PRLR: variants seen among roughly 807,000 people sequenced by gnomAD.
The protein encoded by PRLR is prolactin receptor, also known as hPRL receptor.
In PRLR, 13 loss-of-function variants were observed where a neutral mutation model predicts 40.2. That is an observed-to-expected ratio of 0.32 (90% CI 0.21 to 0.51). The LOEUF (loss-of-function observed/expected upper bound fraction) is 0.51, where lower values mean the gene tolerates loss of function less well. Among genes scored for constraint, PRLR ranks in the 20% least tolerant of loss-of-function variants. PRLR has a pLI of 0.97. For synonymous variants in PRLR, 269 were observed against 278.7 expected, an observed-to-expected ratio of 0.97 and a Z score of 0.35; for missense variants, 656 against 747.3, an observed-to-expected ratio of 0.88 and a Z score of 1.42.
At chr5:35,091,609 T>A (rs929014196) in intron 2 of PRLR, among the ~76,000 whole-genome samples, 4 of 152,042 alleles carry the variant, frequency 2.6e-5, no homozygotes, top group African/African-American at 9.7e-5. Context: ...TCCCCCTCTG[T>A]GGGAGAGACG....
At chr5:35,219,470 A>C (rs1264608964) in intron 1 of PRLR, among the ~76,000 whole-genome samples, 2 of 152,214 alleles carry the variant, frequency 1.3e-5, no homozygotes, top group Non-Finnish European at 2.9e-5. Context: ...TTCTTAAAAC[A>C]AGGCCTTGCA....
chr5:35,108,742 C>T (rs1772440419), intron 2 of PRLR, among the ~76,000 whole-genome samples: 1 of 152,152 alleles, frequency 6.6e-6, no homozygotes, highest in African/African-American at 2.4e-5. Context: ...AAGAACATGC[C>T]ATGCTCATAG....
intron 1 of PRLR, among the ~76,000 whole-genome samples, chr5:35,187,287 G>T (rs1453799226): frequency 1.3e-5 from 2 of 151,946 alleles, no homozygotes; most frequent in Non-Finnish European, 2.9e-5. Context: ...TGTATTCCCA[G>T]CTACTAGGGA....
intron 1 of PRLR, among the ~76,000 whole-genome samples, chr5:35,125,839 C>A (rs138272997): frequency 6.6e-6 from 1 of 152,296 alleles, no homozygotes; most frequent in Non-Finnish European, 1.5e-5. Context: ...GGAATGTTAG[C>A]AGGCGATGGG....
intron 9 of PRLR, among the ~76,000 whole-genome samples, chr5:35,067,457 G>A (rs1476296825): frequency 5.9e-5 from 9 of 152,070 alleles, no homozygotes; most frequent in African/African-American, 2.2e-4. Context: ...TCCCTGCTTC[G>A]ATATTTGCAA....
intron 2 of PRLR, among the ~76,000 whole-genome samples, chr5:35,094,069 AT>A (rs1771382731): frequency 6.6e-6 from 1 of 152,232 alleles, no homozygotes; most frequent in Non-Finnish European, 1.5e-5. Context: ...TTATGACTGT[AT>A]TCTGCTCAAT....
intron 1 of PRLR, among the ~76,000 whole-genome samples, chr5:35,207,852 A>T (rs573714684): frequency 6.6e-6 from 1 of 152,238 alleles, no homozygotes; most frequent in Non-Finnish European, 1.5e-5. Flanking sequence ...AGAATAGGTA[A>T]ATCAATTTTG....
At chr5:35,115,654 G>T (rs1388516772) in intron 2 of PRLR, among the ~76,000 whole-genome samples, 1 of 151,804 alleles carries the variant, frequency 6.6e-6, no homozygotes. Context: ...GGTTGGAATG[G>T]GCAGAGCCTG....
intron 2 of PRLR, among the ~76,000 whole-genome samples, chr5:35,102,497 A>ACTCTT (rs1771955419): frequency 1.5e-5 from 1 of 68,770 alleles, no homozygotes; most frequent in Admixed American, 1.8e-4. Context: ...TCTCCTCTCC[A>ACTCTT]CTCCTCTCCT....
At chr5:35,087,270 A>C (rs941706438) in intron 3 of PRLR, among the ~76,000 whole-genome samples, 5 of 152,156 alleles carry the variant, frequency 3.3e-5, no homozygotes, top group Non-Finnish European at 5.9e-5. Context: ...GATTAAAGGC[A>C]TGAGCTACTG....
At chr5:35,178,080 T>C (rs746078235) in intron 1 of PRLR, among the ~76,000 whole-genome samples, 2 of 152,152 alleles carry the variant, frequency 1.3e-5, no homozygotes, top group Non-Finnish European at 2.9e-5. Context: ...ATGATGAGTA[T>C]CTTTTCTTGT....
At chr5:35,124,764 C>T (rs1433783133) in intron 1 of PRLR, among the ~76,000 whole-genome samples, 1 of 151,426 alleles carries the variant, frequency 6.6e-6, no homozygotes, top group Non-Finnish European at 1.5e-5. Flanking sequence ...GTTGGATCAA[C>T]ACCCTGAAAT....
chr5:35,174,920 G>T (rs57579203), intron 1 of PRLR, among the ~76,000 whole-genome samples: 20,220 of 152,178 alleles, frequency 0.13, 1,551 homozygotes, highest in African/African-American at 0.21. Flanking sequence ...GCTCAGAGAG[G>T]CAAGAATGGG....
chr5:35,068,687 A>G, intron 8 of PRLR, 92 bp downstream of exon 8: 1 of 1,008,626 alleles, frequency 9.9e-7, no homozygotes, highest in Non-Finnish European at 1.5e-6. Context: ...AATGAGGATT[A>G]TCTACAGGTT....
chr5:35,068,031 TGTGAAAGTAA>T (rs769782053), intron 9 of PRLR, among the ~76,000 whole-genome samples, 175 bp downstream of exon 9: 1 of 152,246 alleles, frequency 6.6e-6, no homozygotes, highest in Non-Finnish European at 1.5e-5. Flanking sequence ...ACATTTAGTG[TGTGAAAGTAA>T]GTACCCTCAT....
Position 35,072,450 on chromosome 5 carries a change from G to T in PRLR, c.543+125C>A, listed in dbSNP as rs980621074. On this transcript the variant is annotated intron_variant, in intron 6 of 9. Coordinates refer to ENST00000618457, the MANE Select transcript of PRLR (RefSeq NM_000949.7). ...AAAAGGGCTTTTCACATCTGGGTGG[G>T]TCACAACTGCATTGGAGGCCAACAC... The T allele has an allele frequency of 1.1e-5, 12 of 1,129,562 alleles. No individual in the cohort carries two copies. In the African/African-American group the frequency reaches 1.7e-4, roughly 16 times the overall value. The allele number at this position is 1,129,562 out of a possible 1,614,324, so 70.0% of individuals were successfully genotyped here. A position where few individuals can be genotyped will look rare whatever the true frequency, so the allele number is the denominator to read the frequency against.
intron 1 of PRLR, among the ~76,000 whole-genome samples, chr5:35,207,437 C>T (rs1196070566): frequency 6.6e-6 from 1 of 151,914 alleles, no homozygotes; most frequent in African/African-American, 2.4e-5. Flanking sequence ...AAAAAGAATA[C>T]CCCGTCAATA....
In PRLR at chr5:35,065,923, A is replaced by T; in HGVS notation, c.1035T>A (p.Pro345=). The T allele has an allele frequency of 6.2e-7, 1 of 1,614,148 alleles. No individual in the cohort carries two copies. Among genetic ancestry groups the T allele is most frequent in the Non-Finnish European group, 8.5e-7 (1 of 1,180,026 alleles). The part of the protein sequence containing the change: ...SQGMKPTYLD[P]DTDSGRGSCD... ...AGCTCCCCCGGCCTGAGTCAGTGTCAGGATCCAGGTATGTGGGTTTCATAC... is the reference window on the plus strand; with the variant it reads ...AGCTCCCCCGGCCTGAGTCAGTGTCTGGATCCAGGTATGTGGGTTTCATAC... The change falls in exon 10 of 10, where the codon CCT becomes CCA. Residue 345 remains proline, a synonymous_variant. Coordinates refer to ENST00000618457, the MANE Select transcript of PRLR (RefSeq NM_000949.7).
intron 1 of PRLR, among the ~76,000 whole-genome samples, chr5:35,171,923 CACTT>C (rs1342780173): frequency 1.3e-5 from 2 of 152,128 alleles, no homozygotes; most frequent in Admixed American, 6.5e-5. Flanking sequence ...AAAAAAGTCT[CACTT>C]AAGTGTGTAT....
Sources: gnomAD v4.1 joint callset for allele counts (sites outside exome capture counted in the v4.1 genomes callset) on GRCh38, gnomAD v4.1.1 for gene constraint, MANE v1.5 for transcripts, NCBI Gene and HGNC (gene_info 2026-07-23, HGNC 2026-07-21) for gene names.